Variants in PRKN observed in about 807,000 individuals in gnomAD.
PRKN encodes E3 ubiquitin-protein ligase parkin.
Under a neutral mutation model 59.5 loss-of-function variants are expected in PRKN, and 56 were observed. The ratio of observed to expected loss-of-function variants is 0.94; its 90% CI spans 0.76 to 1.18. The LOEUF (loss-of-function observed/expected upper bound fraction) is 1.18, where lower values mean the gene tolerates loss of function less well. PRKN is among the 50% of genes most tolerant of loss of function. The pLI, the probability that PRKN is intolerant of heterozygous loss-of-function variation, is 0.00. For missense variants in PRKN, 657 were observed against 596.4 expected (o/e 1.10, Z -1.06); for synonymous variants, 250 against 222.1 (o/e 1.13, Z -1.12).
intron 7 of PRKN, among the ~76,000 whole-genome samples, chr6:161,771,174 G>T (rs1789659906): frequency 6.6e-6 from 1 of 151,778 alleles, no homozygotes; most frequent in Non-Finnish European, 1.5e-5. Flanking sequence ...GGCTAACACG[G>T]TGAAACCCTG....
At chr6:161,837,020 A>G (rs995011033) in intron 6 of PRKN, among the ~76,000 whole-genome samples, 1 of 152,144 alleles carries the variant, frequency 6.6e-6, no homozygotes, top group Non-Finnish European at 1.5e-5. Context: ...AGCTCACACT[A>G]TAAAGAGCAT....
chr6:162,164,062 C>A (rs563047766), intron 4 of PRKN, among the ~76,000 whole-genome samples: 11 of 149,192 alleles, frequency 7.4e-5, no homozygotes, highest in Non-Finnish European at 1.3e-4. Flanking sequence ...AGGAAGCCTG[C>A]CCCTCTAGAG....
chr6:162,190,537 A>G lies in PRKN; in HGVS notation c.534+10594T>C, dbSNP rs73594248. 7.5e-3 allele frequency among the ~76,000 whole-genome samples: 1,137 copies of G among 152,262 alleles called. 11 individuals carry two copies. The highest frequency in any genetic ancestry group is 0.026 in the African/African-American group (1,069 of 41,576). Reference sequence around the variant, plus strand: ...GGTTTCTTTCTCGCCGGGTGACCCAAGTAAAGTCAATTAACCTCTCCGTTT... The same window carrying G: ...GGTTTCTTTCTCGCCGGGTGACCCAGGTAAAGTCAATTAACCTCTCCGTTT... On this transcript the variant is annotated intron_variant, in intron 4 of 11. Coordinates refer to ENST00000366898, the MANE Select transcript of PRKN (RefSeq NM_004562.3).
chr6:161,674,474 T>C (rs956596704), intron 7 of PRKN, among the ~76,000 whole-genome samples: 1 of 152,202 alleles, frequency 6.6e-6, no homozygotes, highest in Non-Finnish European at 1.5e-5. Context: ...TCCTTTATTT[T>C]AAAATGCACA....
intron 8 of PRKN, among the ~76,000 whole-genome samples, chr6:161,553,052 G>C (rs924783998): frequency 3.3e-5 from 5 of 150,974 alleles, no homozygotes; most frequent in African/African-American, 1.2e-4. Context: ...GCCTCCCAAA[G>C]TTGTAATCAC....
At chr6:161,412,021 T>TCCTC (rs1787582274) in intron 9 of PRKN, among the ~76,000 whole-genome samples, 1 of 91,616 alleles carries the variant, frequency 1.1e-5, no homozygotes, top group Non-Finnish European at 2.2e-5. Context: ...ACTCATTCAT[T>TCCTC]CACTCATTCA....
chr6:162,013,830 A>C (rs1234962984), intron 5 of PRKN, among the ~76,000 whole-genome samples: 2 of 152,198 alleles, frequency 1.3e-5, no homozygotes, highest in Admixed American at 1.3e-4. Context: ...AAAAGTATGT[A>C]GTAAATAATT....
intron 9 of PRKN, among the ~76,000 whole-genome samples, chr6:161,492,788 T>C (rs1048891468): frequency 2.0e-5 from 3 of 152,136 alleles, no homozygotes; most frequent in Admixed American, 2.0e-4. Context: ...AAGAAAAAAC[T>C]CAGTAGTAAT....
chr6:162,281,872 T>C (rs893954166), intron 2 of PRKN, among the ~76,000 whole-genome samples: 1 of 152,146 alleles, frequency 6.6e-6, no homozygotes, highest in African/African-American at 2.4e-5. Context: ...TTTCCACAGA[T>C]GAGGGCAATG....
At chr6:162,163,942 G>A (rs910393686) in intron 4 of PRKN, among the ~76,000 whole-genome samples, 8 of 148,938 alleles carry the variant, frequency 5.4e-5, no homozygotes, top group East Asian at 1.9e-4. Context: ...AGCCCTGCTC[G>A]GTGACTCACT....
Position 162,102,014 on chromosome 6 carries a change from T to G in PRKN, c.535-47840A>C, listed in dbSNP as rs919412102. Among the ~76,000 whole-genome samples the G allele has an allele frequency of 5.3e-5, 8 of 152,184 alleles. 1 individual carries two copies. Among genetic ancestry groups the G allele is most frequent in the Admixed American group, 5.2e-4 (8 of 15,284 alleles). ...TCAATTATGTTCTTTCTTACCATGT[T>G]TTTCATTTTTCTAATTTTCTCTTTT... On this transcript the variant is annotated intron_variant, in intron 4 of 11. Coordinates refer to ENST00000366898, the MANE Select transcript of PRKN (RefSeq NM_004562.3).
At chr6:161,950,308 G>A (rs2128245677) in intron 6 of PRKN, among the ~76,000 whole-genome samples, 1 of 152,264 alleles carries the variant, frequency 6.6e-6, no homozygotes, top group Middle Eastern at 3.4e-3. Context: ...ACTTTGGGAG[G>A]CCGAGGTGGG....
intron 9 of PRKN, among the ~76,000 whole-genome samples, chr6:161,426,426 A>G (rs949661776): frequency 6.6e-6 from 1 of 152,098 alleles, no homozygotes; most frequent in Non-Finnish European, 1.5e-5. Flanking sequence ...AGTGTAGCTA[A>G]AATATAAAGC....
chr6:161,842,999 A>G (rs6922518), intron 6 of PRKN, among the ~76,000 whole-genome samples: 64,011 of 151,982 alleles, frequency 0.42, 13,865 homozygotes, highest in East Asian at 0.68. Context: ...TAATCTACTC[A>G]GGAGTGCTAT....
chr6:162,699,531 T>A (rs1478749101), intron 1 of PRKN, among the ~76,000 whole-genome samples: 1 of 152,236 alleles, frequency 6.6e-6, no homozygotes, highest in East Asian at 1.9e-4. Context: ...TAATCAAGAA[T>A]ATGGGTTTTA....
At position 161,401,386 on chromosome 6, in the gene PRKN, A is replaced by G. The variant is rs142554607; in HGVS notation, c.1084-14509T>C. Among the ~76,000 whole-genome samples, 1 of 152,110 alleles carries G rather than the reference A, an allele frequency of 6.6e-6. No individual in the cohort carries two copies. The highest frequency in any genetic ancestry group is 1.9e-4 in the East Asian group (1 of 5,178). ...AGCACTTTGGGAAGCCAAGGTGGGC[A>G]GATCACCTGAGGTTAGGAGTTTGAG... On this transcript the variant is annotated intron_variant, in intron 9 of 11. Transcript: ENST00000366898. The surrounding 1 kb of genome is among the most constrained non-coding windows in gnomAD (Gnocchi z 4.4).
chr6:162,090,991 C>T (rs7766005), intron 4 of PRKN, among the ~76,000 whole-genome samples: 53,306 of 152,028 alleles, frequency 0.35, 9,714 homozygotes, highest in Admixed American at 0.44. Flanking sequence ...TCTTAATTAG[C>T]AACCATGTGG....
chr6:161,606,955 T>C (rs1220033275), intron 7 of PRKN, among the ~76,000 whole-genome samples: 2 of 152,106 alleles, frequency 1.3e-5, no homozygotes, highest in Non-Finnish European at 2.9e-5. Context: ...TGGCACAGCA[T>C]GGGGGGGAGA....
At chr6:162,483,036 A>G (rs1263302439) in intron 1 of PRKN, among the ~76,000 whole-genome samples, 2 of 152,220 alleles carry the variant, frequency 1.3e-5, no homozygotes, top group Admixed American at 1.3e-4. Flanking sequence ...TACTATGATT[A>G]TAATGACTAT....
Sources: gnomAD v4.1 joint callset for allele counts (sites outside exome capture counted in the v4.1 genomes callset) on GRCh38, gnomAD v4.1.1 for gene constraint, Gnocchi (gnomAD v3.1) non-coding constraint, MANE v1.5 for transcripts, NCBI Gene and HGNC (gene_info 2026-07-23, HGNC 2026-07-21) for gene names.